The following PTGER3 variants were observed in gnomAD, a reference collection of about 807,000 sequenced individuals.
PTGER3 encodes the protein prostaglandin E receptor 3.
A neutral mutation model predicts 34.7 loss-of-function variants in PTGER3; 22 were observed. That is an observed-to-expected ratio of 0.63 (90% CI 0.45 to 0.91). The LOEUF (loss-of-function observed/expected upper bound fraction) is 0.91, where lower values mean the gene tolerates loss of function less well. Among genes scored for constraint, PTGER3 ranks in the 40% least tolerant of loss-of-function variants. The pLI, the probability that PTGER3 is intolerant of heterozygous loss-of-function variation, is 0.00. For synonymous variants in PTGER3, 241 were observed against 230.1 expected, an observed-to-expected ratio of 1.05 and a Z score of -0.43; for missense variants, 468 against 519.4, an observed-to-expected ratio of 0.90 and a Z score of 0.96.
intron 2 of PTGER3, chr1:71,007,988 C>T (rs1032263783): frequency 4.1e-6 from 4 of 985,118 alleles, no homozygotes; most frequent in South Asian, 4.7e-5. Flanking sequence ...TTCAACAAAG[C>T]AGACTTACTA....
At position 71,047,038 on chromosome 1, in the gene PTGER3, G is replaced by T. The variant is rs1417694151; in HGVS notation, c.540C>A (p.Gly180=). ...KTRATRAVLL[G]VWLAVLAFAL... is the part of the protein sequence containing the mutation. ...CGAAGGCGAGCACGGCCAGCCACAC[G>T]CCGAGCAGCACAGCGCGGGTGGCAC... is the stretch of plus-strand genomic sequence containing the variant. Residue 180 remains glycine (G), a synonymous_variant, in exon 1 of 4, where the codon GGC becomes GGA. Transcript: ENST00000306666. The T allele has an allele frequency of 6.2e-6, 10 of 1,611,036 alleles. No homozygotes were observed. Among genetic ancestry groups the T allele is most frequent in the Non-Finnish European group, 7.6e-6 (9 of 1,179,032 alleles).
In PTGER3 at chr1:70,852,859, C is replaced by G; in HGVS notation, c.*24G>C. On this transcript the variant is annotated splice_region_variant and 3_prime_UTR_variant, in exon 5 of 5. Coordinates refer to the PTGER3 transcript ENST00000370931. ...AGGTTTTAATTTCCCCAAAATTCCT[C>G]CTGGAAAACAAACAAATCAATTAGG... 3 of 1,613,096 alleles carry G rather than the reference C, an allele frequency of 1.9e-6. No homozygotes were observed. The African/African-American group carries it at 4.0e-5, about 22-fold the overall frequency.
intron 2 of PTGER3, among the ~76,000 whole-genome samples, chr1:70,998,568 GAC>G (rs1348894896): frequency 3.9e-5 from 6 of 152,162 alleles, no homozygotes; most frequent in Non-Finnish European, 8.8e-5. Flanking sequence ...TCTACTTGGA[GAC>G]ACAGTCATCA....
chr1:70,861,630 C>A (rs1207096648), intron 4 of PTGER3, among the ~76,000 whole-genome samples: 2 of 151,276 alleles, frequency 1.3e-5, no homozygotes, highest in African/African-American at 4.9e-5. Flanking sequence ...GAAAAGAATC[C>A]ATTAGAATTA....
intron 2 of PTGER3, among the ~76,000 whole-genome samples, chr1:70,959,908 C>T (rs1211877634): frequency 6.6e-6 from 1 of 151,958 alleles, no homozygotes; most frequent in Admixed American, 6.6e-5. Context: ...CCTAATGCGA[C>T]CTTATTTGAA....
rs5775038 is a variant in PTGER3, at chr1:70,976,116, T to TA, written c.1078-1729dup. Among the ~76,000 whole-genome samples, 1,245 of 148,430 alleles carry TA rather than the reference T, an allele frequency of 8.4e-3. 23 individuals carry two copies. Among genetic ancestry groups the TA allele is most frequent in the African/African-American group, 0.028 (1,136 of 40,376 alleles). On this transcript the variant is annotated intron_variant, in intron 2 of 3. Transcript: ENST00000306666. ...TGTACAATGTCAAATAGCAGGAGAT[T>TA]AAAAAAAAAAAACCTAAAGTAAGAG...
At chr1:70,982,973 G>A (rs1274529304) in intron 2 of PTGER3, among the ~76,000 whole-genome samples, 2 of 151,928 alleles carry the variant, frequency 1.3e-5, no homozygotes, top group Non-Finnish European at 2.9e-5. Flanking sequence ...TAAAAATAAG[G>A]TAAATCACAA....
chr1:71,012,230 T>C, intron 2 of PTGER3, 75 bp downstream of exon 2: 1 of 1,613,330 alleles, frequency 6.2e-7, no homozygotes, highest in Non-Finnish European at 8.5e-7. Context: ...CTTCTGTCTG[T>C]ATTATTTCAT....
intron 1 of PTGER3, among the ~76,000 whole-genome samples, chr1:71,030,672 G>T (rs1254110329): frequency 6.6e-6 from 1 of 152,066 alleles, no homozygotes; most frequent in Non-Finnish European, 1.5e-5. Context: ...CATTTAACAA[G>T]TTACTGTCAG....
intron 4 of PTGER3, among the ~76,000 whole-genome samples, chr1:70,868,709 A>G (rs1394039662): frequency 6.6e-6 from 1 of 152,240 alleles, no homozygotes; most frequent in Non-Finnish European, 1.5e-5. Flanking sequence ...ATAAAAATGG[A>G]AGCCCTTTTC....
intron 4 of PTGER3, among the ~76,000 whole-genome samples, chr1:70,929,818 A>T (rs1648518548): frequency 6.6e-6 from 1 of 152,236 alleles, no homozygotes. Context: ...GAGATAAATG[A>T]GTTAAACGGA....
chr1:70,912,519 A>C (rs1647082360), intron 4 of PTGER3, among the ~76,000 whole-genome samples: 1 of 152,158 alleles, frequency 6.6e-6, no homozygotes, highest in Non-Finnish European at 1.5e-5. Flanking sequence ...TCATATACAC[A>C]TAACAGAAGG....
chr1:70,879,374 G>T (rs1358361384), intron 4 of PTGER3, among the ~76,000 whole-genome samples: 1 of 152,144 alleles, frequency 6.6e-6, no homozygotes, highest in Non-Finnish European at 1.5e-5. Flanking sequence ...AGCTTCCTGA[G>T]TAGCTGGGAT....
chr1:70,944,947 T>C lies in PTGER3; in HGVS notation c.*23+8816A>G, dbSNP rs527250668. ...TTCCCTCTTCATTGTAGTATCTCCA[T>C]TCTAAAGAGAACTTCTCATCCGTAC... is the stretch of plus-strand genomic sequence containing the variant. On this transcript the variant is annotated intron_variant, in intron 4 of 4. Transcript: ENST00000370931. 2.0e-5 allele frequency among the ~76,000 whole-genome samples: 3 copies of C among 152,212 alleles called. No individual in the cohort carries two copies. In the East Asian group the frequency reaches 5.8e-4, roughly 29 times the overall value.
At chr1:71,039,473 AC>A (rs1573001939) in intron 1 of PTGER3, among the ~76,000 whole-genome samples, 1 of 151,484 alleles carries the variant, frequency 6.6e-6, no homozygotes, top group African/African-American at 2.4e-5. Context: ...ATGCAGTGAA[AC>A]CCTGTCTCTA....
At chr1:71,035,305 T>C (rs899473203) in intron 1 of PTGER3, among the ~76,000 whole-genome samples, 2 of 152,240 alleles carry the variant, frequency 1.3e-5, no homozygotes, top group Non-Finnish European at 2.9e-5. Flanking sequence ...GTTTCTCCCT[T>C]TCCCTTCAGT....
At chr1:70,930,608 T>C (rs2100494393) in intron 4 of PTGER3, among the ~76,000 whole-genome samples, 1 of 152,204 alleles carries the variant, frequency 6.6e-6, no homozygotes, top group South Asian at 2.1e-4. Context: ...AGAATCACAA[T>C]GGGAGGCAAA....
chr1:71,044,417 T>TA (rs1044502227), intron 1 of PTGER3, among the ~76,000 whole-genome samples: 123 of 147,926 alleles, frequency 8.3e-4, no homozygotes, highest in Non-Finnish European at 1.3e-3. Context: ...AGCCTGGAGT[T>TA]TTTTTTTTTG....
At chr1:70,863,848 A>G (rs1645983305) in intron 4 of PTGER3, among the ~76,000 whole-genome samples, 1 of 152,252 alleles carries the variant, frequency 6.6e-6, no homozygotes, top group African/African-American at 2.4e-5. Flanking sequence ...TATATGGTAG[A>G]TGATTTGTGG....
Sources: gnomAD v4.1 joint callset for allele counts (sites outside exome capture counted in the v4.1 genomes callset) on GRCh38, gnomAD v4.1.1 for gene constraint, MANE v1.5 for transcripts, NCBI Gene and HGNC (gene_info 2026-07-23, HGNC 2026-07-21) for gene names.